MAP3K13: variants seen among roughly 807,000 people sequenced by gnomAD.
The protein encoded by MAP3K13 is leucine zipper-bearing kinase.
In MAP3K13, 52 loss-of-function variants were observed where a neutral mutation model predicts 104.0. That is an observed-to-expected ratio of 0.50 (90% CI 0.40 to 0.63). MAP3K13 has a LOEUF of 0.63. Ranked by LOEUF, MAP3K13 falls within the 20% of genes least tolerant of loss-of-function variation. The pLI is 0.00. For missense variants in MAP3K13, 914 were observed against 1,218.5 expected (o/e 0.75, Z 3.72); for synonymous variants, 394 against 442.2 (o/e 0.89, Z 1.37).
intron 1 of MAP3K13, among the ~76,000 whole-genome samples, chr3:185,428,002 C>G (rs1444321636): frequency 1.3e-5 from 2 of 151,616 alleles, no homozygotes; most frequent in African/African-American, 4.9e-5. Context: ...TCACTTCAAC[C>G]TGGGAAGCGG....
chr3:185,285,380 G>A, intron 1 of MAP3K13: 2 of 391,998 alleles, frequency 5.1e-6, no homozygotes, highest in Non-Finnish European at 9.3e-6. Context: ...CTCCTGTTCA[G>A]TGTCAATCTG....
chr3:185,375,399 G>A (rs907841118), intron 1 of MAP3K13, among the ~76,000 whole-genome samples: 2 of 152,200 alleles, frequency 1.3e-5, no homozygotes, highest in African/African-American at 4.8e-5. Flanking sequence ...ACACTGAGAA[G>A]TGATTTCCTT....
At chr3:185,364,326 T>C (rs1287897321) in intron 1 of MAP3K13, among the ~76,000 whole-genome samples, 1 of 152,200 alleles carries the variant, frequency 6.6e-6, no homozygotes, top group Admixed American at 6.5e-5. Flanking sequence ...GGATGTGACA[T>C]TGTGACATGT....
At chr3:185,290,451 A>G (rs1464214304) in intron 2 of MAP3K13, among the ~76,000 whole-genome samples, 5 of 152,190 alleles carry the variant, frequency 3.3e-5, no homozygotes, top group African/African-American at 7.2e-5. Context: ...GGGAATTTAC[A>G]TTAGTCACTG....
intron 1 of MAP3K13, among the ~76,000 whole-genome samples, chr3:185,283,493 A>G (rs1720385186): frequency 6.6e-6 from 1 of 152,126 alleles, no homozygotes; most frequent in South Asian, 2.1e-4. Context: ...GAATGAATGA[A>G]TGAATGAACC....
In MAP3K13 at chr3:185,476,661, G is replaced by GCTCCCAGCCAGAGCTCCCTTATTGCTCCC. The variant is rs1193495995; in HGVS notation, c.2431-665_2431-664insCTCCCAGCCAGAGCTCCCTTATTGCTCCC. ...ACCATGGAGCCCCAGCAATCACGGG[G>GCTCCCAGCCAGAGCTCCCTTATTGCTCCC]ACTCAGGTGTCCCAGCCAGAGCTCC... On this transcript the variant is annotated intron_variant, in intron 11 of 13. Coordinates refer to ENST00000265026, the MANE Select transcript of MAP3K13 (RefSeq NM_004721.5). The GCTCCCAGCCAGAGCTCCCTTATTGCTCCC allele has an allele frequency of 2.0e-5, 3 of 152,668 alleles. No individual in the cohort carries two copies. The East Asian group carries it at 5.8e-4, about 29-fold the overall frequency. The allele number at this position is 152,668 out of a possible 1,614,324, so 9.5% of individuals were successfully genotyped here.
At chr3:185,360,889 T>C (rs1276054565), upstream of MAP3K13, among the ~76,000 whole-genome samples, 1 of 145,352 alleles carries the variant, frequency 6.9e-6, no homozygotes, top group Non-Finnish European at 1.5e-5. Context: ...TGCAGTGGTG[T>C]GATCTCAGCT....
intron 1 of MAP3K13, among the ~76,000 whole-genome samples, chr3:185,398,760 C>G (rs1712579655): frequency 6.6e-6 from 1 of 152,294 alleles, no homozygotes; most frequent in East Asian, 1.9e-4. Flanking sequence ...CTCATTTCTT[C>G]TATTCCTTGC....
chr3:185,405,706 G>A (rs1221130302), intron 1 of MAP3K13, among the ~76,000 whole-genome samples: 3 of 152,132 alleles, frequency 2.0e-5, no homozygotes, highest in Non-Finnish European at 4.4e-5. Context: ...GTTTTCTCTG[G>A]TAACTCAATC....
intron 2 of MAP3K13, among the ~76,000 whole-genome samples, chr3:185,303,803 C>T (rs1012463661): frequency 6.6e-6 from 1 of 151,266 alleles, no homozygotes; most frequent in African/African-American, 2.4e-5. Flanking sequence ...TATTATTTTT[C>T]TATCCTCTAT....
chr3:185,448,499 T>C (rs1450995287), intron 5 of MAP3K13, among the ~76,000 whole-genome samples: 1 of 152,238 alleles, frequency 6.6e-6, no homozygotes, highest in East Asian at 1.9e-4. Flanking sequence ...TTAACAGTAT[T>C]TTTCCCTGTA....
intron 1 of MAP3K13, among the ~76,000 whole-genome samples, chr3:185,392,770 C>T (rs1712142289): frequency 1.3e-5 from 2 of 151,914 alleles, no homozygotes; most frequent in African/African-American, 2.4e-5. Context: ...CTAGGCTGAC[C>T]GGGTGTGGTG....
intron 2 of MAP3K13, among the ~76,000 whole-genome samples, chr3:185,349,011 G>C (rs193295072): frequency 1.3e-5 from 2 of 152,268 alleles, no homozygotes; most frequent in Non-Finnish European, 2.9e-5. Flanking sequence ...TACTCTGGCC[G>C]GTTGAAAGCT....
At chr3:185,437,395 G>C (rs940809885) in intron 2 of MAP3K13, 52 bp from the exon 3 acceptor site, 10 of 1,528,450 alleles carry the variant, frequency 6.5e-6, no homozygotes, top group Non-Finnish European at 8.9e-6. Context: ...TGGCCTTGTA[G>C]AGTGGTCCCT....
chr3:185,413,310 C>T (rs1713553473), intron 1 of MAP3K13, among the ~76,000 whole-genome samples: 1 of 152,152 alleles, frequency 6.6e-6, no homozygotes, highest in Non-Finnish European at 1.5e-5. Flanking sequence ...GCGCATAGAG[C>T]AGCACTGTCC....
At chr3:185,435,026 CAGAGTTTCGCTCT>C (rs1421163642) in intron 2 of MAP3K13, among the ~76,000 whole-genome samples, 1 of 151,900 alleles carries the variant, frequency 6.6e-6, no homozygotes, top group Non-Finnish European at 1.5e-5. Flanking sequence ...TGTTTTGAGA[CAGAGTTTCGCTCT>C]GTCACCCAGG....
At position 185,415,213 on chromosome 3, in the gene MAP3K13, C is replaced by T. The variant is rs370017192; in HGVS notation, c.-85-13284C>T. ...TGTCTTCCAGGCTGGAGTGCAGTGG[C>T]GCGATCATGGCTCACTGCAACCTCT... On this transcript the variant is annotated intron_variant, in intron 1 of 13. Transcript: ENST00000265026. 5.3e-5 allele frequency among the ~76,000 whole-genome samples: 8 copies of T among 151,666 alleles called. No individual in the cohort carries two copies. In the South Asian group the frequency reaches 6.3e-4, roughly 12 times the overall value.
chr3:185,335,873 C>A (rs1286774310), intron 2 of MAP3K13, among the ~76,000 whole-genome samples: 1 of 152,120 alleles, frequency 6.6e-6, no homozygotes, highest in Non-Finnish European at 1.5e-5. Flanking sequence ...GCCTGCTCAG[C>A]CCTCCTCTCT....
chr3:185,306,567 T>G (rs992053055), intron 2 of MAP3K13, among the ~76,000 whole-genome samples: 1 of 152,238 alleles, frequency 6.6e-6, no homozygotes, highest in East Asian at 1.9e-4. Flanking sequence ...TTGGGCTGCA[T>G]GTATGTCTTG....
Sources: gnomAD v4.1 joint callset for allele counts (sites outside exome capture counted in the v4.1 genomes callset) on GRCh38, gnomAD v4.1.1 for gene constraint, MANE v1.5 for transcripts, NCBI Gene and HGNC (gene_info 2026-07-23, HGNC 2026-07-21) for gene names.